Variants in KHDRBS2 observed in about 807,000 individuals in gnomAD.
The protein encoded by KHDRBS2 is KH RNA binding domain containing, signal transduction associated 2.
KHDRBS2 carries 26 observed loss-of-function variants against 44.3 expected under a neutral mutation model. The ratio of observed to expected loss-of-function variants is 0.59; its 90% CI spans 0.43 to 0.81. The LOEUF (loss-of-function observed/expected upper bound fraction) is 0.81. Among genes scored for constraint, KHDRBS2 ranks in the 40% least tolerant of loss-of-function variants. The pLI is 0.00. For missense variants in KHDRBS2, 476 were observed against 433.1 expected (o/e 1.10, Z -0.88); for synonymous variants, 194 against 151.1 (o/e 1.28, Z -2.08).
chr6:61,588,458 G>C, the KHDRBS2 span, among the ~76,000 whole-genome samples: 7 of 152,236 alleles, frequency 4.6e-5, no homozygotes, highest in Admixed American at 3.3e-4. Context: ...GTGATACTTT[G>C]TGGATCACAT....
intron 2 of KHDRBS2, among the ~76,000 whole-genome samples, chr6:62,059,049 T>A (rs1790985504): frequency 6.6e-6 from 1 of 151,402 alleles, no homozygotes; most frequent in African/African-American, 2.4e-5. Flanking sequence ...TTCAGAAAAC[T>A]TAGAACTCCA....
At chr6:61,682,422 A>G (rs213783) in intron 8 of KHDRBS2, among the ~76,000 whole-genome samples, 93,766 of 151,686 alleles carry the variant, frequency 0.62, 30,076 homozygotes, top group Non-Finnish European at 0.7. Context: ...AGAAAGAAAT[A>G]AATATAACAA....
At chr6:61,983,497 G>A (rs1012652434) in intron 3 of KHDRBS2, among the ~76,000 whole-genome samples, 1 of 151,936 alleles carries the variant, frequency 6.6e-6, no homozygotes, top group African/African-American at 2.4e-5. Flanking sequence ...TTCTGGATGG[G>A]CTTAGGATAC....
intron 1 of KHDRBS2, among the ~76,000 whole-genome samples, chr6:62,259,839 T>A (rs1392016022): frequency 6.6e-6 from 1 of 152,024 alleles, no homozygotes; most frequent in Non-Finnish European, 1.5e-5. Flanking sequence ...AAAGTTTTAA[T>A]CAGAATTAGT....
intron 2 of KHDRBS2, among the ~76,000 whole-genome samples, chr6:62,062,591 A>C (rs1792260228): frequency 6.7e-6 from 1 of 149,630 alleles, no homozygotes; most frequent in Non-Finnish European, 1.5e-5. Context: ...AAGAACAAAG[A>C]CACAACATAC....
chr6:61,985,314 G>A (rs1774845069), intron 3 of KHDRBS2, among the ~76,000 whole-genome samples: 1 of 152,044 alleles, frequency 6.6e-6, no homozygotes, highest in South Asian at 2.1e-4. Flanking sequence ...TTCTCTCTGT[G>A]TATTAAAACA....
chr6:62,141,442 T>A (rs1173500664), intron 2 of KHDRBS2, among the ~76,000 whole-genome samples: 1 of 152,164 alleles, frequency 6.6e-6, no homozygotes, highest in Non-Finnish European at 1.5e-5. Flanking sequence ...AAAAACTTCA[T>A]CCTATGTGAC....
intron 1 of KHDRBS2, among the ~76,000 whole-genome samples, chr6:62,280,224 G>C (rs924205421): frequency 2.6e-5 from 4 of 152,298 alleles, no homozygotes; most frequent in Non-Finnish European, 1.5e-5. Context: ...CATATTATAA[G>C]AACGTCAAGG....
rs145295283 is a variant in KHDRBS2 at position 61,731,313 on chromosome 6, A to T, written c.893+1369T>A. On this transcript the variant is annotated intron_variant, in intron 7 of 8. Coordinates refer to ENST00000281156, the MANE Select transcript of KHDRBS2 (RefSeq NM_152688.4). ...ATGTAATTGGGACAATTAAGATATT[A>T]CAGCAAAAGCGCTTGGCTCATGATG... is the stretch of plus-strand genomic sequence containing the variant. Among the ~76,000 whole-genome samples, 482 of 152,216 alleles carry T rather than the reference A, an allele frequency of 3.2e-3. 2 individuals are homozygous for T. The highest frequency in any genetic ancestry group is 5.2e-3 in the Non-Finnish European group (350 of 67,950).
chr6:62,138,663 A>AT (rs1184256892), intron 2 of KHDRBS2, among the ~76,000 whole-genome samples: 1 of 152,222 alleles, frequency 6.6e-6, no homozygotes, highest in Non-Finnish European at 1.5e-5. Context: ...TAGGAGGTTG[A>AT]TTAAACCTAG....
intron 6 of KHDRBS2, among the ~76,000 whole-genome samples, chr6:61,774,021 G>T (rs1235815248): frequency 6.6e-6 from 1 of 152,200 alleles, no homozygotes; most frequent in Non-Finnish European, 1.5e-5. Context: ...TTTGGTACCA[G>T]TACTATGCTG....
chr6:61,812,811 G>A (rs1394304194), intron 6 of KHDRBS2, among the ~76,000 whole-genome samples: 1 of 151,982 alleles, frequency 6.6e-6, no homozygotes, highest in Non-Finnish European at 1.5e-5. Flanking sequence ...TGAGAGTTGA[G>A]ATATACTCAT....
chr6:61,912,524 G>T (rs1310315831), intron 4 of KHDRBS2, among the ~76,000 whole-genome samples: 8 of 152,096 alleles, frequency 5.3e-5, no homozygotes, highest in Non-Finnish European at 1.2e-4. Flanking sequence ...TTGTGTTCAA[G>T]CCTTTCTAGC....
At chr6:62,167,144 A>G (rs1288605119) in intron 2 of KHDRBS2, among the ~76,000 whole-genome samples, 1 of 152,070 alleles carries the variant, frequency 6.6e-6, no homozygotes, top group Admixed American at 6.6e-5. Flanking sequence ...TATTGGCCTG[A>G]GGTATGAGAA....
chr6:61,681,160 A>G lies in KHDRBS2; in HGVS notation c.953-100T>C, dbSNP rs1013719615. On this transcript the variant is annotated intron_variant, in intron 8 of 8. Transcript: ENST00000281156. ...TTGACCGAGAAAAAGAAAACAAAAG[A>G]TCTCAACACCGAACGCTAAAGCCTA... The G allele has an allele frequency of 5.1e-6, 4 of 783,134 alleles. No homozygotes were observed. The African/African-American group carries it at 6.9e-5, about 14-fold the overall frequency. 48.5% of individuals were successfully genotyped at this position (783,134 alleles called of 1,614,324 possible). A position where few individuals can be genotyped will look rare whatever the true frequency, so the allele number is the denominator to read the frequency against.
Position 61,844,797 on chromosome 6 carries a change from C to T in KHDRBS2, c.810+49838G>A, listed in dbSNP as rs144690466. On this transcript the variant is annotated intron_variant, in intron 6 of 8. Coordinates refer to ENST00000281156, the MANE Select transcript of KHDRBS2 (RefSeq NM_152688.4). ...AAGCTAGCTTTTTGTTATATTCTGCCGTACATTTTAGTTATTTGACTATCT... is the reference window on the plus strand; with the variant it reads ...AAGCTAGCTTTTTGTTATATTCTGCTGTACATTTTAGTTATTTGACTATCT... Among the ~76,000 whole-genome samples, 381 of 152,160 alleles carry T rather than the reference C, an allele frequency of 2.5e-3. 2 individuals are homozygous for T. The highest frequency in any genetic ancestry group is 0.01 in the Middle Eastern group (3 of 294).
intron 3 of KHDRBS2, among the ~76,000 whole-genome samples, chr6:62,030,031 G>A (rs1176194840): frequency 6.6e-6 from 1 of 151,942 alleles, no homozygotes; most frequent in Non-Finnish European, 1.5e-5. Flanking sequence ...TGAACTTAAT[G>A]ACTAAAATTT....
the KHDRBS2 span, among the ~76,000 whole-genome samples, chr6:61,673,985 G>C: frequency 2.6e-5 from 4 of 151,768 alleles, no homozygotes; most frequent in East Asian, 5.9e-4. Flanking sequence ...TGAGCCAGAA[G>C]ACCCTTATTC....
intron 3 of KHDRBS2, among the ~76,000 whole-genome samples, chr6:62,002,954 C>A (rs1584086553): frequency 6.6e-6 from 1 of 151,884 alleles, no homozygotes; most frequent in Non-Finnish European, 1.5e-5. Flanking sequence ...TTTATCAAAC[C>A]ATTCTGAGGA....
Sources: allele counts gnomAD v4.1 joint callset (sites outside exome capture counted in the v4.1 genomes callset), GRCh38; gene constraint gnomAD v4.1.1; transcripts MANE v1.5; gene names NCBI Gene and HGNC (gene_info 2026-07-23, HGNC 2026-07-21).